TRHDE: variants seen among roughly 807,000 people sequenced by gnomAD.
TRHDE encodes the protein thyrotropin-releasing hormone-degrading ectoenzyme.
Under a neutral mutation model 125.7 loss-of-function variants are expected in TRHDE, and 72 were observed. That is an observed-to-expected ratio of 0.57 (90% CI 0.47 to 0.70). TRHDE has a LOEUF of 0.70. TRHDE is among the 30% of genes least tolerant of loss of function. The probability of loss-of-function intolerance (pLI) is 0.00; values close to 1 mark genes in which losing one functional copy is unlikely to be tolerated. For missense variants in TRHDE, 1,110 were observed against 1,327.1 expected, an observed-to-expected ratio of 0.84 and a Z score of 2.54; for synonymous variants, 509 against 509.1, an observed-to-expected ratio of 1.00 and a Z score of 0.00.
intron 2 of TRHDE, among the ~76,000 whole-genome samples, chr12:72,194,254 T>A (rs1396171317): frequency 6.6e-6 from 1 of 152,134 alleles, no homozygotes; most frequent in Non-Finnish European, 1.5e-5. Flanking sequence ...CAGAATGAGA[T>A]AACATATATT....
intron 9 of TRHDE, among the ~76,000 whole-genome samples, chr12:72,563,641 T>C (rs1004103187): frequency 4.6e-5 from 7 of 152,248 alleles, no homozygotes; most frequent in African/African-American, 1.4e-4. Flanking sequence ...ATTTAATTAC[T>C]GATAACTCAG....
At chr12:72,113,059 C>T (rs1875356655) in intron 2 of TRHDE, among the ~76,000 whole-genome samples, 2 of 152,096 alleles carry the variant, frequency 1.3e-5, no homozygotes, top group Non-Finnish European at 2.9e-5. Context: ...ACTTTGTCAC[C>T]CAGGCTGGAG....
chr12:72,309,265 G>A (rs1054219851), intron 2 of TRHDE, among the ~76,000 whole-genome samples: 2 of 152,212 alleles, frequency 1.3e-5, no homozygotes, highest in Non-Finnish European at 2.9e-5. Context: ...GAGAGAGAGA[G>A]ATCGTCTACT....
chr12:72,637,542 C>T (rs1389403900), intron 15 of TRHDE, among the ~76,000 whole-genome samples: 1 of 151,986 alleles, frequency 6.6e-6, no homozygotes, highest in Non-Finnish European at 1.5e-5. Flanking sequence ...TTGCCTTCTG[C>T]TAGCTTTTGA....
At chr12:72,101,687 A>C (rs571529739) in intron 1 of TRHDE, among the ~76,000 whole-genome samples, 2 of 152,322 alleles carry the variant, frequency 1.3e-5, no homozygotes, top group South Asian at 4.1e-4. Flanking sequence ...ATCATAGTGT[A>C]ATCCTTTAGT....
At position 72,222,823 on chromosome 12, in the gene TRHDE, C is replaced by T. The variant is rs186304144; in HGVS notation, n.279+117071C>T. Among the ~76,000 whole-genome samples, 21 of 152,172 alleles carry T rather than the reference C, an allele frequency of 1.4e-4. No homozygotes were observed. In the East Asian group the frequency reaches 3.1e-3, roughly 22 times the overall value. On this transcript the variant is annotated intron_variant and non_coding_transcript_variant, in intron 2 of 4. Transcript: ENST00000548156. ...ATTTCCAGGCTTTGTGAATTTCAGC[C>T]AGCCTGCACCTCTACCATTTGGAGT... is the stretch of plus-strand genomic sequence containing the variant.
intron 12 of TRHDE, among the ~76,000 whole-genome samples, chr12:72,587,468 TA>T (rs1489413649): frequency 6.6e-6 from 1 of 152,050 alleles, no homozygotes; most frequent in African/African-American, 2.4e-5. Flanking sequence ...ATTAGATAGA[TA>T]GATGATAGGC....
chr12:72,646,209 A>G (rs77465748), intron 15 of TRHDE, among the ~76,000 whole-genome samples: 2,004 of 152,226 alleles, frequency 0.013, 42 homozygotes, highest in African/African-American at 0.045. Context: ...TGTGAAAACA[A>G]TAACAGTGTG....
chr12:72,414,479 TA>T lies in TRHDE; in HGVS notation c.1315+36361del, dbSNP rs1873646557. On this transcript the variant is annotated intron_variant, in intron 3 of 18. Transcript: ENST00000261180. The stretch of plus-strand genomic sequence containing the variant: ...AAAAGACATTCATAGATTTTAGTTT[TA>T]AACAATGAATTGAAAAAGGCAAAGA... Among the ~76,000 whole-genome samples the T allele has an allele frequency of 4.6e-5, 7 of 152,128 alleles. 1 individual carries two copies. In the South Asian group the frequency reaches 1.4e-3, roughly 31 times the overall value.
At chr12:72,360,361 G>A (rs1396605197) in intron 2 of TRHDE, among the ~76,000 whole-genome samples, 2 of 151,610 alleles carry the variant, frequency 1.3e-5, no homozygotes, top group Non-Finnish European at 2.9e-5. Context: ...GGATATACAG[G>A]AATTTCTACA....
chr12:72,306,732 C>T (rs2135694219), intron 2 of TRHDE: 1 of 152,194 alleles, frequency 6.6e-6, no homozygotes, highest in African/African-American at 2.4e-5. Flanking sequence ...TACATTGTTT[C>T]TATTCCAGTG....
chr12:72,598,557 A>T (rs1437190494), intron 12 of TRHDE, among the ~76,000 whole-genome samples: 1 of 152,188 alleles, frequency 6.6e-6, no homozygotes, highest in South Asian at 2.1e-4. Flanking sequence ...TGTCCCTTAT[A>T]CAACCAAGTC....
At chr12:72,288,138 A>G (rs1471030497) in intron 2 of TRHDE, among the ~76,000 whole-genome samples, 1 of 152,134 alleles carries the variant, frequency 6.6e-6, no homozygotes, top group Non-Finnish European at 1.5e-5. Flanking sequence ...TGTCTGTAGG[A>G]AAATTCAGAT....
intron 3 of TRHDE, among the ~76,000 whole-genome samples, chr12:72,452,190 GT>G (rs34200701): frequency 0.25 from 36,929 of 148,408 alleles, 6,538 homozygotes; most frequent in African/African-American, 0.49. Flanking sequence ...TATTCCTGAG[GT>G]TTTTTTTTTG....
At chr12:72,278,347 T>C (rs568915627) in intron 1 of TRHDE, among the ~76,000 whole-genome samples, 2 of 152,300 alleles carry the variant, frequency 1.3e-5, no homozygotes, top group East Asian at 1.9e-4. Context: ...ATTGATGAAC[T>C]CTTAGGTTGG....
chr12:72,344,946 T>A (rs187929558), intron 2 of TRHDE, among the ~76,000 whole-genome samples: 138 of 152,262 alleles, frequency 9.1e-4, no homozygotes, highest in Non-Finnish European at 1.5e-3. Flanking sequence ...GGAAATGGAC[T>A]CTGGGCCTAC....
chr12:72,109,544 G>A (rs1463344365), intron 2 of TRHDE, among the ~76,000 whole-genome samples: 1 of 152,052 alleles, frequency 6.6e-6, no homozygotes, highest in Admixed American at 6.6e-5. Context: ...GTTTCCGACT[G>A]CTATTTTCTC....
At chr12:72,495,702 G>A (rs917203321) in intron 5 of TRHDE, among the ~76,000 whole-genome samples, 4 of 151,978 alleles carry the variant, frequency 2.6e-5, no homozygotes, top group African/African-American at 7.2e-5. Flanking sequence ...ACAATATCTG[G>A]CATAGAGTGG....
chr12:72,618,606 ACCTAGGCTCGGTTTTGCTTATGTT>A (rs768480822), intron 12 of TRHDE, among the ~76,000 whole-genome samples: 6 of 152,120 alleles, frequency 3.9e-5, no homozygotes, highest in Non-Finnish European at 7.4e-5. Flanking sequence ...GAAGGAACAT[ACCTAGGCTCGGTTTTGCTTATGTT>A]CCATAATTCC....
Sources: allele counts gnomAD v4.1 joint callset (sites outside exome capture counted in the v4.1 genomes callset), GRCh38; gene constraint gnomAD v4.1.1; transcripts MANE v1.5; gene names NCBI Gene and HGNC (gene_info 2026-07-23, HGNC 2026-07-21).